Variants in CTNNA2 observed in about 807,000 individuals in gnomAD.
CTNNA2 encodes catenin alpha 2, also known as catenin alpha-2.
A neutral mutation model predicts 101.0 loss-of-function variants in CTNNA2; 42 were observed. That is an observed-to-expected ratio of 0.42 (90% CI 0.32 to 0.54). CTNNA2 has a LOEUF of 0.54. CTNNA2 is among the 20% of genes least tolerant of loss of function. CTNNA2 has a pLI of 0.14. For missense variants in CTNNA2, 871 were observed against 1,223.1 expected (o/e 0.71, Z 4.29); for synonymous variants, 450 against 456.4 (o/e 0.99, Z 0.18).
At chr2:79,717,773 G>A (rs1686201888) in intron 2 of CTNNA2, among the ~76,000 whole-genome samples, 1 of 152,156 alleles carries the variant, frequency 6.6e-6, no homozygotes, top group Admixed American at 6.5e-5. Flanking sequence ...GGGATAGCAG[G>A]CCAGGGGGTA....
At chr2:80,540,084 A>G (rs968384021) in intron 9 of CTNNA2, among the ~76,000 whole-genome samples, 6 of 152,120 alleles carry the variant, frequency 3.9e-5, no homozygotes, top group Admixed American at 6.5e-5. Flanking sequence ...TGTATTGATG[A>G]TATATTGTCT....
chr2:79,220,699 C>T (rs1288432465), intron 2 of CTNNA2, among the ~76,000 whole-genome samples: 2 of 152,212 alleles, frequency 1.3e-5, no homozygotes, highest in East Asian at 1.9e-4. Context: ...AAAATCTCTC[C>T]TCATAGAAAC....
chr2:80,064,915 A>G (rs1697867035), intron 7 of CTNNA2, among the ~76,000 whole-genome samples: 1 of 152,234 alleles, frequency 6.6e-6, no homozygotes, highest in African/African-American at 2.4e-5. Context: ...TTTGCCAACA[A>G]TCTTCCACAT....
At chr2:79,513,002 G>A (rs1466966859), upstream of CTNNA2, 2 of 152,260 alleles carry the variant, frequency 1.3e-5, no homozygotes, top group South Asian at 4.1e-4. Context: ...GGAGGGGGGA[G>A]CGGCTTCGCT....
chr2:79,715,155 G>A (rs919060189), intron 2 of CTNNA2, among the ~76,000 whole-genome samples: 16 of 132,628 alleles, frequency 1.2e-4, no homozygotes, highest in East Asian at 4.4e-4. Flanking sequence ...TGCAGTGAGC[G>A]AAGATCATGC....
chr2:79,555,807 T>A (rs866927552), intron 1 of CTNNA2, among the ~76,000 whole-genome samples: 15 of 152,108 alleles, frequency 9.9e-5, no homozygotes, highest in African/African-American at 2.7e-4. Context: ...AAGAAAAAGT[T>A]CATACAGCTC....
At chr2:79,873,554 C>T (rs1472325731) in intron 5 of CTNNA2, among the ~76,000 whole-genome samples, 1 of 152,090 alleles carries the variant, frequency 6.6e-6, no homozygotes, top group African/African-American at 2.4e-5. Flanking sequence ...CAGTGGAGCC[C>T]TGTCAGGTGA....
intron 7 of CTNNA2, among the ~76,000 whole-genome samples, chr2:80,105,659 G>A (rs1167879746): frequency 6.6e-6 from 1 of 152,054 alleles, no homozygotes; most frequent in Non-Finnish European, 1.5e-5. Context: ...GAGCCTAGGA[G>A]GTGGAGGCTG....
chr2:80,181,738 T>C (rs2148981778), intron 7 of CTNNA2, among the ~76,000 whole-genome samples: 1 of 152,358 alleles, frequency 6.6e-6, no homozygotes, highest in East Asian at 1.9e-4. Flanking sequence ...TCAAAGGTAT[T>C]ATGTATAGAG....
intron 2 of CTNNA2, among the ~76,000 whole-genome samples, chr2:79,216,850 T>G (rs11675892): frequency 0.28 from 42,899 of 151,878 alleles, 6,595 homozygotes; most frequent in East Asian, 0.41. Flanking sequence ...ACTGCAGTAC[T>G]TGCCACTAAG....
intron 3 of CTNNA2, among the ~76,000 whole-genome samples, chr2:79,808,517 CT>C: frequency 6.6e-6 from 1 of 152,224 alleles, no homozygotes; most frequent in African/African-American, 2.4e-5. Context: ...TCTTGCTTAT[CT>C]TTTTTATTTT....
At chr2:79,976,322 AC>A (rs1334160860) in intron 7 of CTNNA2, among the ~76,000 whole-genome samples, 1 of 152,094 alleles carries the variant, frequency 6.6e-6, no homozygotes, top group African/African-American at 2.4e-5. Context: ...TGAACAGGAG[AC>A]GGATTGTGAC....
At chr2:79,896,996 A>T (rs1482432038) in intron 6 of CTNNA2, among the ~76,000 whole-genome samples, 1 of 152,230 alleles carries the variant, frequency 6.6e-6, no homozygotes, top group East Asian at 1.9e-4. Context: ...ATTGCTGAGA[A>T]TCTTGAAGGC....
At chr2:79,507,903 T>G (rs1671448720) in intron 5 of CTNNA2, among the ~76,000 whole-genome samples, 1 of 152,204 alleles carries the variant, frequency 6.6e-6, no homozygotes, top group African/African-American at 2.4e-5. Flanking sequence ...TTTAAATGCT[T>G]TTCACCCAGC....
intron 18 of CTNNA2, among the ~76,000 whole-genome samples, chr2:80,640,141 T>C (rs1245087229): frequency 6.6e-6 from 1 of 152,068 alleles, no homozygotes; most frequent in Non-Finnish European, 1.5e-5. Context: ...TCAGACAATA[T>C]TTGATAGCTA....
chr2:79,239,739 C>T (rs773351577), intron 2 of CTNNA2, among the ~76,000 whole-genome samples: 3 of 152,136 alleles, frequency 2.0e-5, no homozygotes, highest in African/African-American at 7.2e-5. Flanking sequence ...GCAAAAGAAA[C>T]TATCATTGTC....
intron 7 of CTNNA2, among the ~76,000 whole-genome samples, chr2:79,955,275 G>A (rs556882604): frequency 3.9e-5 from 6 of 152,032 alleles, no homozygotes; most frequent in African/African-American, 9.7e-5. Flanking sequence ...CCCTTCATGT[G>A]GTTTAATAGA....
chr2:79,336,765 C>G (rs1248006194), intron 3 of CTNNA2, among the ~76,000 whole-genome samples: 1 of 152,134 alleles, frequency 6.6e-6, no homozygotes, highest in Admixed American at 6.5e-5. Context: ...CTGGAGGGCC[C>G]TATCTGTGTC....
intron 7 of CTNNA2, among the ~76,000 whole-genome samples, chr2:80,075,164 T>C (rs1344475082): frequency 6.6e-6 from 1 of 152,188 alleles, no homozygotes; most frequent in Non-Finnish European, 1.5e-5. Context: ...CAGATAGGTA[T>C]TGGAACTTGA....
Sources: gnomAD v4.1 joint callset for allele counts (sites outside exome capture counted in the v4.1 genomes callset) on GRCh38, gnomAD v4.1.1 for gene constraint, MANE v1.5 for transcripts, NCBI Gene and HGNC (gene_info 2026-07-23, HGNC 2026-07-21) for gene names.